FOXP1: variants seen among roughly 807,000 people sequenced by gnomAD.
FOXP1 encodes forkhead box protein P1.
A neutral mutation model predicts 98.2 loss-of-function variants in FOXP1; 15 were observed. The observed-to-expected ratio is 0.15, with a 90% CI of 0.10 to 0.24. The LOEUF (loss-of-function observed/expected upper bound fraction) is 0.24, where lower values mean the gene tolerates loss of function less well. FOXP1 is among the 10% of genes least tolerant of loss of function. The pLI, the probability that FOXP1 is intolerant of heterozygous loss-of-function variation, is 1.00. For missense variants in FOXP1, 633 were observed against 848.5 expected (o/e 0.75, Z 3.15); for synonymous variants, 371 against 314.5 (o/e 1.18, Z -1.90).
At chr3:71,471,379 G>A (rs1316967678) in intron 3 of FOXP1, among the ~76,000 whole-genome samples, 2 of 151,912 alleles carry the variant, frequency 1.3e-5, no homozygotes, top group African/African-American at 2.4e-5. Flanking sequence ...AAAGAACAGG[G>A]CGAAATAACT....
At chr3:71,567,902 G>A (rs886231934) in intron 2 of FOXP1, 1 of 151,810 alleles carries the variant, frequency 6.6e-6, no homozygotes, top group Admixed American at 6.6e-5. Context: ...GGCAGGGAAG[G>A]TGACTGAGAT....
At chr3:71,294,667 C>T (rs2073104266) in intron 5 of FOXP1, among the ~76,000 whole-genome samples, 2 of 152,094 alleles carry the variant, frequency 1.3e-5, no homozygotes, top group South Asian at 4.2e-4. Flanking sequence ...GCAACTGAAT[C>T]AATGAAGTAC....
chr3:71,511,572 T>G (rs1327324673), intron 2 of FOXP1, among the ~76,000 whole-genome samples: 1 of 152,102 alleles, frequency 6.6e-6, no homozygotes, highest in East Asian at 1.9e-4. Flanking sequence ...TGTAGGCAAG[T>G]GCCAATATTT....
At chr3:71,436,489 A>G (rs1179265235) in intron 3 of FOXP1, among the ~76,000 whole-genome samples, 2 of 147,342 alleles carry the variant, frequency 1.4e-5, no homozygotes, top group African/African-American at 5.0e-5. Flanking sequence ...TACCCCATCT[A>G]TCGTCCCTAT....
intron 6 of FOXP1, among the ~76,000 whole-genome samples, chr3:71,162,219 G>T (rs73838202): frequency 6.6e-6 from 1 of 152,126 alleles, no homozygotes; most frequent in African/African-American, 2.4e-5. Context: ...AAGTTAAACA[G>T]CATTTACCAT....
chr3:71,446,035 AGGTG>A (rs1263518145), intron 3 of FOXP1, among the ~76,000 whole-genome samples: 1 of 118,516 alleles, frequency 8.4e-6, no homozygotes, highest in Non-Finnish European at 1.8e-5. Flanking sequence ...AACAACTCAT[AGGTG>A]AGTGAGTGAG....
At chr3:71,188,638 G>A (rs1000165886) in intron 6 of FOXP1, among the ~76,000 whole-genome samples, 1 of 152,020 alleles carries the variant, frequency 6.6e-6, no homozygotes, top group African/African-American at 2.4e-5. Context: ...GGCTGGTCTC[G>A]AACTCCTGAC....
chr3:71,364,894 A>T (rs13072512), intron 3 of FOXP1, among the ~76,000 whole-genome samples: 1 of 152,112 alleles, frequency 6.6e-6, no homozygotes, highest in Admixed American at 6.5e-5. Flanking sequence ...CTGTGTATAT[A>T]TAAGATATTT....
chr3:71,151,158 A>G (rs561708174), intron 6 of FOXP1, among the ~76,000 whole-genome samples: 3 of 152,310 alleles, frequency 2.0e-5, no homozygotes, highest in African/African-American at 7.2e-5. Flanking sequence ...AGCCTTCTCA[A>G]CTGTGAAATG....
chr3:71,150,438 T>C (rs1339986651), intron 6 of FOXP1, among the ~76,000 whole-genome samples: 3 of 152,208 alleles, frequency 2.0e-5, no homozygotes, highest in African/African-American at 7.2e-5. Context: ...ACTTCTCTTT[T>C]TACCATGATA....
chr3:71,097,149 G>T (rs963206969), intron 7 of FOXP1, among the ~76,000 whole-genome samples: 3 of 152,112 alleles, frequency 2.0e-5, no homozygotes, highest in Admixed American at 6.5e-5. Context: ...CTAAAGCACA[G>T]GTCAGCCAAC....
At chr3:71,358,491 T>C (rs1378239352) in intron 4 of FOXP1, among the ~76,000 whole-genome samples, 1 of 152,204 alleles carries the variant, frequency 6.6e-6, no homozygotes, top group Non-Finnish European at 1.5e-5. Flanking sequence ...ATCACATTCG[T>C]AAGGAGTTTC....
chr3:71,327,596 C>T (rs1383848396), intron 4 of FOXP1, among the ~76,000 whole-genome samples: 1 of 151,516 alleles, frequency 6.6e-6, no homozygotes, highest in East Asian at 2.0e-4. Flanking sequence ...ACCGTGTTAG[C>T]CAGGATGGTC....
intron 4 of FOXP1, among the ~76,000 whole-genome samples, chr3:71,304,968 A>C (rs1159221587): frequency 6.6e-6 from 1 of 152,168 alleles, no homozygotes; most frequent in Non-Finnish European, 1.5e-5. Context: ...ATATCTTCAC[A>C]CAGGACATAT....
At chr3:71,500,368 A>T (rs2107168649) in intron 2 of FOXP1, among the ~76,000 whole-genome samples, 1 of 152,190 alleles carries the variant, frequency 6.6e-6, no homozygotes, top group South Asian at 2.1e-4. Context: ...GGCTAGTGAG[A>T]TTTTTCCTGT....
At chr3:71,473,848 CT>C (rs2089581043) in intron 3 of FOXP1, among the ~76,000 whole-genome samples, 1 of 152,136 alleles carries the variant, frequency 6.6e-6, no homozygotes, top group South Asian at 2.1e-4. Flanking sequence ...ACAAAAAGAA[CT>C]GTTACATCTC....
chr3:70,971,791 A>C, intron 18 of FOXP1: 1 of 400,246 alleles, frequency 2.5e-6, no homozygotes, highest in Non-Finnish European at 4.4e-6. Context: ...ATCAAAATAG[A>C]ACGAATATTT....
chr3:71,263,598 C>T (rs901261113), intron 5 of FOXP1, among the ~76,000 whole-genome samples: 1 of 152,166 alleles, frequency 6.6e-6, no homozygotes, highest in African/African-American at 2.4e-5. Flanking sequence ...ACCTATGTTT[C>T]TACATAAGGC....
Position 71,464,679 on chromosome 3 carries a change from C to G in FOXP1, c.-168+28747G>C, listed in dbSNP as rs564761519. Reference sequence around the variant, plus strand: ...TGGCCTCTGCTCTACCCTTTTCACCCCCAAGGTGAGGGGATGACTGAAGAC... The same window carrying G: ...TGGCCTCTGCTCTACCCTTTTCACCGCCAAGGTGAGGGGATGACTGAAGAC... On this transcript the variant is annotated intron_variant, in intron 3 of 20. Coordinates refer to ENST00000649528, the MANE Select transcript of FOXP1 (RefSeq NM_001349338.3). Among the ~76,000 whole-genome samples the G allele has an allele frequency of 2.6e-5, 4 of 152,166 alleles. No homozygotes were observed. In the East Asian group the frequency reaches 7.7e-4, roughly 29 times the overall value.
Sources: gnomAD v4.1 joint callset for allele counts (sites outside exome capture counted in the v4.1 genomes callset) on GRCh38, gnomAD v4.1.1 for gene constraint, MANE v1.5 for transcripts, NCBI Gene and HGNC (gene_info 2026-07-23, HGNC 2026-07-21) for gene names.